Variants in CSH1 observed in about 807,000 individuals in gnomAD.
CSH1 encodes chorionic somatomammotropin hormone 1, also known as Chorionic somatomammotropin hormone 2.
CSH1 carries 17 observed loss-of-function variants against 19.4 expected under a neutral mutation model. That is an observed-to-expected ratio of 0.88 (90% CI 0.60 to 1.31). CSH1 has a LOEUF of 1.31. Ranked by LOEUF, CSH1 falls within the 40% of genes most tolerant of loss-of-function variation. The pLI, the probability that CSH1 is intolerant of heterozygous loss-of-function variation, is 0.00. For missense variants in CSH1, 190 were observed against 243.1 expected (o/e 0.78, Z 1.45); for synonymous variants, 72 against 104.6 (o/e 0.69, Z 1.90).
chr17:63,895,342 C>A, intron 4 of CSH1, 123 bp from the exon 5 acceptor site: 1 of 1,612,660 alleles, frequency 6.2e-7, no homozygotes, highest in Admixed American at 1.7e-5. Context: ...ATTCACCAGG[C>A]GAAATGAAGA....
Position 63,895,389 on chromosome 17 carries a change from A to G in CSH1, c.456+84T>C, listed in dbSNP as rs773700936. Reference sequence around the variant, plus strand: ...TCTCTTGGGTCAGCGCCTTACTGCTAAAAAGAGGGCAGCAGTATTTCTCTC... The same window carrying G: ...TCTCTTGGGTCAGCGCCTTACTGCTGAAAAGAGGGCAGCAGTATTTCTCTC... On this transcript the variant is annotated intron_variant, in intron 4 of 4. Transcript: ENST00000316193. 6.6e-5 allele frequency: 107 copies of G among 1,612,722 alleles called. 2 individuals are homozygous for G. Among genetic ancestry groups the G allele is most frequent in the Middle Eastern group, 1.6e-4 (1 of 6,078 alleles).
rs757019619 is a variant in CSH1, at chr17:63,895,559, C to T, written c.370G>A (p.Ala124Thr). 29 of 1,603,736 alleles carry T rather than the reference C, an allele frequency of 1.8e-5. No individual in the cohort carries two copies. The East Asian group carries it at 4.5e-4, about 25-fold the overall frequency. The change falls in exon 4 of 5, where the codon GCC becomes ACC. Residue 124 changes from alanine (A) to threonine (T), a missense_variant. Ala to Thr is a moderately conservative substitution (Grantham distance 58). Coordinates refer to ENST00000316193, the MANE Select transcript of CSH1 (RefSeq NM_001317.6). ...GAGGTGTCATACACCAGGTTGTTGG[C>T]GAACATACTCCTGAGGAACCGCACG... Reference protein sequence around the residue: ...EPVRFLRSMFANNLVYDTSDS... With the variant: ...EPVRFLRSMFTNNLVYDTSDS...
chr17:63,896,083 G>C lies in CSH1; in HGVS notation c.163C>G (p.Gln55Glu). 2 of 1,040,306 alleles carry C rather than the reference G, an allele frequency of 1.9e-6. No individual in the cohort carries two copies. Among genetic ancestry groups the C allele is most frequent in the Non-Finnish European group, 2.6e-6 (2 of 780,340 alleles). The allele number at this position is 1,040,306 out of a possible 1,614,324, so 64.4% of individuals were successfully genotyped here. ...RAHQLAIDTY[Q>E]EFEETYIPKD... ...ATTCCCCAAGAACTTACAAACTCCT[G>C]GTAGGTGTCAATGGCCAGCTGGTGC... Residue 55 changes from glutamine (Q) to glutamate (E), a missense_variant, in exon 2 of 5, where the codon CAG becomes GAG. Physicochemically the swap from Gln to Glu is conservative, Grantham distance 29 (BLOSUM62 2). Transcript: ENST00000316193.
In CSH1 at chr17:63,896,519, A is replaced by C. The variant is rs1906147143; in HGVS notation, c.-8T>G. On this transcript the variant is annotated 5_prime_UTR_variant, in exon 1 of 5. Coordinates refer to ENST00000316193, the MANE Select transcript of CSH1 (RefSeq NM_001317.6). ...GCGCTTACCTGGAGCCATTGCCACT[A>C]GGTGAGCTGTCCACAGGACCCTGAG... The C allele has an allele frequency of 1.2e-6, 2 of 1,613,474 alleles. No homozygotes were observed.
intron 1 of CSH1, 32 bp downstream of exon 1, chr17:63,896,470 G>T (rs373978673): frequency 1.9e-6 from 3 of 1,612,324 alleles, no homozygotes; most frequent in East Asian, 2.2e-5. Context: ...CTCAGGACAC[G>T]TTGTGCCCAA....
chr17:63,895,743 C>G lies in CSH1; in HGVS notation c.279G>C (p.Thr93=). 1.1e-6 allele frequency: 1 copy of G among 938,448 alleles called. No individual in the cohort carries two copies. Among genetic ancestry groups the G allele is most frequent in the Non-Finnish European group, 1.5e-6 (1 of 678,960 alleles). The allele number at this position is 938,448 out of a possible 1,614,324, so 58.1% of individuals were successfully genotyped here. A position where few individuals can be genotyped will look rare whatever the true frequency, so the allele number is the denominator to read the frequency against. Reference sequence around the variant, plus strand: ...GGCATCCACTCACGGATTTCTGTTGCGTTTCCTCCATGTTGGAGGGTGTCG... The same window carrying G: ...GGCATCCACTCACGGATTTCTGTTGGGTTTCCTCCATGTTGGAGGGTGTCG... The part of the protein sequence containing the change: ...SIPTPSNMEE[T]QQKSNLELLR... The change falls in exon 3 of 5, where the codon ACG becomes ACC. Residue 93 remains threonine, a synonymous_variant. Coordinates refer to ENST00000316193, the MANE Select transcript of CSH1 (RefSeq NM_001317.6).
At position 63,896,085 on chromosome 17, in the gene CSH1, T is replaced by C; in HGVS notation, c.161A>G (p.Tyr54Cys). 1 of 1,029,122 alleles carries C rather than the reference T, an allele frequency of 9.7e-7. No individual in the cohort carries two copies. Among genetic ancestry groups the C allele is most frequent in the Non-Finnish European group, 1.3e-6 (1 of 770,952 alleles). The allele number at this position is 1,029,122 out of a possible 1,614,324, so 63.7% of individuals were successfully genotyped here. The change falls in exon 2 of 5, where the codon TAC becomes TGC. Residue 54 changes from tyrosine (Y) to cysteine (C), a missense_variant. Physicochemically the swap from Tyr to Cys is radical, Grantham distance 194. Around this residue, in one of 3 missense-constraint regions of CSH1, gnomAD observed 175 missense variants for 187.2 expected, o/e 0.93. Coordinates refer to ENST00000316193, the MANE Select transcript of CSH1 (RefSeq NM_001317.6). The part of the protein sequence containing the change: ...HRAHQLAIDT[Y>C]QEFEETYIPK... Reference sequence around the variant, plus strand: ...TCCCCAAGAACTTACAAACTCCTGGTAGGTGTCAATGGCCAGCTGGTGCGC... The same window carrying C: ...TCCCCAAGAACTTACAAACTCCTGGCAGGTGTCAATGGCCAGCTGGTGCGC...
Position 63,895,455 on chromosome 17 carries a change from C to T in CSH1, c.456+18G>A. 1.2e-6 allele frequency: 2 copies of T among 1,612,794 alleles called. No individual in the cohort carries two copies. Among genetic ancestry groups the T allele is most frequent in the Non-Finnish European group, 1.7e-6 (2 of 1,179,700 alleles). On this transcript the variant is annotated intron_variant, in intron 4 of 4. Coordinates refer to ENST00000316193, the MANE Select transcript of CSH1 (RefSeq NM_001317.6). ...CCAGTGGGGTTCCAGGATTGGTGAC[C>T]CCTGGCGCCACCCTCACCCCCATCA...
rs763556250 is a variant in CSH1 at position 63,895,138 on chromosome 17, C to T, written c.538G>A (p.Asp180Asn). 1.9e-6 allele frequency: 3 copies of T among 1,612,662 alleles called. No homozygotes were observed. The highest frequency in any genetic ancestry group is 2.5e-6 in the Non-Finnish European group (3 of 1,179,558). The stretch of plus-strand genomic sequence containing the variant: ...AGCCCGTAGTTCTTGAGCAGTGCGT[C>T]ATGGTTGTGCGAGTTTGTGTCAAAC... Reference protein sequence around the residue: ...SKFDTNSHNHDALLKNYGLLY... With the variant: ...SKFDTNSHNHNALLKNYGLLY... Residue 180 changes from aspartate (D) to asparagine (N), a missense_variant, in exon 5 of 5, where the codon GAC becomes AAC. Physicochemically the swap from Asp to Asn is conservative, Grantham distance 23. Coordinates refer to ENST00000316193, the MANE Select transcript of CSH1 (RefSeq NM_001317.6).
Position 63,895,030 on chromosome 17 carries a change from C to T in CSH1, c.646G>A (p.Gly216Ser). The T allele has an allele frequency of 6.2e-7, 1 of 1,613,006 alleles. No homozygotes were observed. The highest frequency in any genetic ancestry group is 1.1e-5 in the South Asian group (1 of 91,068). ...VQCRSVEGSC[G>S]F ...GGATGCTACTCGGGCACCTAGAAGC[C>T]ACAGCTGCCCTCCACAGAGCGGCAC... Residue 216 changes from glycine to serine, a missense_variant, in exon 5 of 5, where the codon GGC becomes AGC. Physicochemically the swap from Gly to Ser is moderately conservative, Grantham distance 56 (BLOSUM62 0). This residue lies in a region of CSH1 where 175 missense variants were observed against 187.2 expected (regional missense o/e 0.93). Coordinates refer to ENST00000316193, the MANE Select transcript of CSH1 (RefSeq NM_001317.6).
In CSH1 at chr17:63,896,522, T is replaced by A. The variant is rs762510478; in HGVS notation, c.-11A>T. 25 of 1,613,440 alleles carry A rather than the reference T, an allele frequency of 1.5e-5. No homozygotes were observed. In the African/African-American group the frequency reaches 2.7e-4, roughly 17 times the overall value. On this transcript the variant is annotated 5_prime_UTR_variant, in exon 1 of 5. Coordinates refer to ENST00000316193, the MANE Select transcript of CSH1 (RefSeq NM_001317.6). ...CTTACCTGGAGCCATTGCCACTAGG[T>A]GAGCTGTCCACAGGACCCTGAGTGG...
Position 63,895,329 on chromosome 17 carries a change from A to C in CSH1, c.457-110T>G, listed in dbSNP as rs1275659399. 3.7e-6 allele frequency: 6 copies of C among 1,612,734 alleles called. No individual in the cohort carries two copies. The East Asian group carries it at 1.3e-4, about 36-fold the overall frequency. Reference sequence around the variant, plus strand: ...CTTCAGGGTGTAGAGAAAGGCCTGGAGGATTCACCAGGCGAAATGAAGAAT... The same window carrying C: ...CTTCAGGGTGTAGAGAAAGGCCTGGCGGATTCACCAGGCGAAATGAAGAAT... On this transcript the variant is annotated intron_variant, in intron 4 of 4. Transcript: ENST00000316193.
Position 63,895,521 on chromosome 17 carries a change from G to A in CSH1, c.408C>T (p.Asp136=), listed in dbSNP as rs148620111. The stretch of plus-strand genomic sequence containing the variant: ...CCTCTAGGTCCTTTAGGAGGTGATA[G>A]TCATCGCTGTCCGAGGTGTCATACA... ...NLVYDTSDSD[D]YHLLKDLEEG... The change falls in exon 4 of 5, where the codon GAC becomes GAT. Residue 136 remains aspartate, a synonymous_variant. Transcript: ENST00000316193. The A allele has an allele frequency of 4.3e-6, 7 of 1,610,640 alleles. No homozygotes were observed. Among genetic ancestry groups the A allele is most frequent in the African/African-American group, 1.4e-5 (1 of 72,988 alleles).
In CSH1 at chr17:63,895,461, C is replaced by T. The variant is rs750903185; in HGVS notation, c.456+12G>A. 3.7e-5 allele frequency: 60 copies of T among 1,612,602 alleles called. No homozygotes were observed. The highest frequency in any genetic ancestry group is 1.6e-4 in the Middle Eastern group (1 of 6,084). ...GGGTTCCAGGATTGGTGACCCCTGG[C>T]GCCACCCTCACCCCCATCAGCGTTT... On this transcript the variant is annotated intron_variant, in intron 4 of 4. Transcript: ENST00000316193.
At chr17:63,896,407 C>G in intron 1 of CSH1, 95 bp downstream of exon 1, 1 of 1,575,164 alleles carries the variant, frequency 6.3e-7, no homozygotes, top group South Asian at 1.1e-5. Flanking sequence ...ATTCATAAGC[C>G]CCAAACCTGA....
At position 63,896,554 on chromosome 17, in the gene CSH1, G is replaced by A; in HGVS notation, c.-43C>T. On this transcript the variant is annotated 5_prime_UTR_variant, in exon 1 of 5. Transcript: ENST00000316193. The stretch of plus-strand genomic sequence containing the variant: ...TCCACAGGACCCTGAGTGGTTCGGG[G>A]AGTTGGGCCTTGGGATCCTAGAGCC... 6.2e-7 allele frequency: 1 copy of A among 1,613,396 alleles called. No individual in the cohort carries two copies. Among genetic ancestry groups the A allele is most frequent in the Non-Finnish European group, 8.5e-7 (1 of 1,179,480 alleles).
Position 63,895,426 on chromosome 17 carries a change from G to T in CSH1, c.456+47C>A, listed in dbSNP as rs2320124. ...GCAGTATTTCTCTCCCCCAGCCCTC[G>T]AAGCCAGTGGGGTTCCAGGATTGGT... On this transcript the variant is annotated intron_variant, in intron 4 of 4. Transcript: ENST00000316193. 606 of 1,611,916 alleles carry T rather than the reference G, an allele frequency of 3.8e-4. 12 individuals are homozygous for T. Among genetic ancestry groups the T allele is most frequent in the Middle Eastern group, 6.6e-4 (4 of 6,028 alleles).
At position 63,896,387 on chromosome 17, in the gene CSH1, C is replaced by T. The variant is rs1439370479; in HGVS notation, c.10+115G>A. ...TGGCCAAATATCTGGCCTTAGATGG[C>T]GATACTCACATTCATAAGCCCCAAA... On this transcript the variant is annotated intron_variant, in intron 1 of 4. Coordinates refer to ENST00000316193, the MANE Select transcript of CSH1 (RefSeq NM_001317.6). 86 of 1,517,226 alleles carry T rather than the reference C, an allele frequency of 5.7e-5. 1 individual carries two copies. Among genetic ancestry groups the T allele is most frequent in the Non-Finnish European group, 7.0e-5 (77 of 1,097,064 alleles). The allele number at this position is 1,517,226 out of a possible 1,614,324, so 94.0% of individuals were successfully genotyped here. A position where few individuals can be genotyped will look rare whatever the true frequency, so the allele number is the denominator to read the frequency against.
At chr17:63,896,460 C>T in intron 1 of CSH1, 42 bp downstream of exon 1, 3 of 1,612,096 alleles carry the variant, frequency 1.9e-6, no homozygotes, top group Non-Finnish European at 2.5e-6. Context: ...TGCCTCTCCC[C>T]TCAGGACACG....
Sources: allele counts gnomAD v4.1 joint callset, GRCh38; gene constraint gnomAD v4.1.1; regional missense constraint gnomAD v4.1.1; transcripts MANE v1.5; gene names NCBI Gene and HGNC (gene_info 2026-07-23, HGNC 2026-07-21).